Variants in MYRFL observed in about 807,000 individuals in gnomAD.
The protein encoded by MYRFL is myelin regulatory factor like.
Under a neutral mutation model 109.4 loss-of-function variants are expected in MYRFL, and 88 were observed. The ratio of observed to expected loss-of-function variants is 0.80; its 90% CI spans 0.68 to 0.96. The LOEUF (loss-of-function observed/expected upper bound fraction) is 0.96. MYRFL is among the 40% of genes least tolerant of loss of function. The probability of loss-of-function intolerance (pLI) is 0.00; values close to 1 mark genes in which losing one functional copy is unlikely to be tolerated. For missense variants in MYRFL, 957 were observed against 954.9 expected (o/e 1.00, Z -0.03); for synonymous variants, 324 against 320.9 (o/e 1.01, Z -0.10).
At chr12:69,910,370 T>C (rs1450362126) in intron 12 of MYRFL, among the ~76,000 whole-genome samples, 2 of 152,044 alleles carry the variant, frequency 1.3e-5, no homozygotes, top group Non-Finnish European at 2.9e-5. Context: ...AGATGATGGC[T>C]CAACCTATGT....
intron 13 of MYRFL, among the ~76,000 whole-genome samples, chr12:69,923,799 A>T (rs1954984802): frequency 6.6e-6 from 1 of 152,164 alleles, no homozygotes; most frequent in Admixed American, 6.5e-5. Context: ...GTTAAACCAG[A>T]AACTCAATAC....
intron 15 of MYRFL, among the ~76,000 whole-genome samples, chr12:69,928,183 G>A (rs1016424256): frequency 9.8e-5 from 15 of 152,308 alleles, no homozygotes; most frequent in South Asian, 2.1e-4. Flanking sequence ...GGAAGAATAG[G>A]TATTCACTTG....
intron 15 of MYRFL, among the ~76,000 whole-genome samples, chr12:69,930,813 GA>G (rs61430519): frequency 0.11 from 13,880 of 128,264 alleles, 846 homozygotes; most frequent in Middle Eastern, 0.17. Context: ...CCCTATCTAA[GA>G]AAAAAAAAAA....
chr12:69,903,632 G>A lies in MYRFL; in HGVS notation c.1183-12G>A, dbSNP rs1229967246. 2.6e-6 allele frequency: 4 copies of A among 1,535,228 alleles called. No individual in the cohort carries two copies. In the African/African-American group the frequency reaches 4.1e-5, roughly 16 times the overall value. Reference sequence around the variant, plus strand: ...GTTACTTTAATTGTAATATATTTATGTATTTTTCCAGGCCTCTAACCCTGG... The same window carrying A: ...GTTACTTTAATTGTAATATATTTATATATTTTTCCAGGCCTCTAACCCTGG... On this transcript the variant is annotated splice_polypyrimidine_tract_variant and intron_variant, in intron 10 of 24. Transcript: ENST00000552032.
intron 5 of MYRFL, among the ~76,000 whole-genome samples, chr12:69,884,058 G>A (rs761401076): frequency 1.6e-4 from 24 of 152,264 alleles, no homozygotes; most frequent in Non-Finnish European, 2.8e-4. Context: ...AGGGCTCAAA[G>A]CATCCTATAC....
chr12:69,875,059 A>G (rs1006163815), intron 2 of MYRFL, among the ~76,000 whole-genome samples: 1 of 151,268 alleles, frequency 6.6e-6, no homozygotes, highest in South Asian at 2.1e-4. Flanking sequence ...AGTGAAGTAT[A>G]TATCTTCATA....
intron 13 of MYRFL, among the ~76,000 whole-genome samples, chr12:69,912,626 T>C (rs1164119490): frequency 6.6e-6 from 1 of 152,206 alleles, no homozygotes; most frequent in Non-Finnish European, 1.5e-5. Flanking sequence ...TATGTTGCAG[T>C]GTGTATCAAA....
chr12:69,861,597 T>G (rs1884671756), intron 2 of MYRFL, among the ~76,000 whole-genome samples: 1 of 152,190 alleles, frequency 6.6e-6, no homozygotes, highest in Non-Finnish European at 1.5e-5. Context: ...ATGGGGTTGT[T>G]TGTTTTTTTC....
chr12:69,939,043 C>T (rs1374718144), intron 19 of MYRFL, among the ~76,000 whole-genome samples: 2 of 152,112 alleles, frequency 1.3e-5, no homozygotes, highest in African/African-American at 4.8e-5. Context: ...GAGGGTCCTA[C>T]CCCATGGAGT....
At chr12:69,838,232 A>G (rs1883058219) in intron 1 of MYRFL, among the ~76,000 whole-genome samples, 1 of 152,148 alleles carries the variant, frequency 6.6e-6, no homozygotes, top group Non-Finnish European at 1.5e-5. Flanking sequence ...CATTGATTTA[A>G]TATTTAACAC....
At chr12:69,875,595 T>C (rs2136330714) in intron 2 of MYRFL, among the ~76,000 whole-genome samples, 1 of 152,344 alleles carries the variant, frequency 6.6e-6, no homozygotes, top group Non-Finnish European at 1.5e-5. Context: ...GATAGGAACC[T>C]GGCTGCAAGA....
In MYRFL at chr12:69,825,539, G is replaced by C. The variant is rs775473840; in HGVS notation, c.22G>C (p.Glu8Gln). 1.4e-6 allele frequency: 1 copy of C among 702,024 alleles called. No homozygotes were observed. The highest frequency in any genetic ancestry group is 2.7e-5 in the East Asian group (1 of 37,268). The allele number at this position is 702,024 out of a possible 1,614,324, so 43.5% of individuals were successfully genotyped here. A position where few individuals can be genotyped will look rare whatever the true frequency, so the allele number is the denominator to read the frequency against. MDVVGEN[E>Q]ALQQFFEAQG... Reference sequence around the variant, plus strand: ...TACCATGGATGTGGTAGGCGAAAATGAGGCCCTGCAGCAGTTCTTTGAAGG... The same window carrying C: ...TACCATGGATGTGGTAGGCGAAAATCAGGCCCTGCAGCAGTTCTTTGAAGG... Residue 8 changes from glutamate (E) to glutamine (Q), a missense_variant, in exon 1 of 25, where the codon GAG becomes CAG. Coordinates refer to ENST00000552032, the MANE Select transcript of MYRFL (RefSeq NM_182530.3).
chr12:69,858,901 A>G (rs1884464753), intron 2 of MYRFL, among the ~76,000 whole-genome samples: 1 of 151,524 alleles, frequency 6.6e-6, no homozygotes, highest in African/African-American at 2.4e-5. Context: ...GTTTGCTCTT[A>G]TTTTTCTAGT....
rs1592703454 is a variant in MYRFL, at chr12:69,853,316, G to A, written c.47-1964G>A. Among the ~76,000 whole-genome samples, 4 of 151,958 alleles carry A rather than the reference G, an allele frequency of 2.6e-5. No individual in the cohort carries two copies. The South Asian group carries it at 8.3e-4, about 31-fold the overall frequency. On this transcript the variant is annotated intron_variant, in intron 1 of 24. Coordinates refer to ENST00000552032, the MANE Select transcript of MYRFL (RefSeq NM_182530.3). Reference sequence around the variant, plus strand: ...GGGCAGAGACGCTCCTCACTTCCCGGACGGGGTGGCTGCTGGGCGGAGGGG... The same window carrying A: ...GGGCAGAGACGCTCCTCACTTCCCGAACGGGGTGGCTGCTGGGCGGAGGGG...
intron 1 of MYRFL, among the ~76,000 whole-genome samples, chr12:69,841,613 G>A (rs1458006827): frequency 6.6e-6 from 1 of 152,152 alleles, no homozygotes. Context: ...CACCACACCA[G>A]GTCAGACTTT....
chr12:69,885,620 C>T (rs142672860), intron 5 of MYRFL, among the ~76,000 whole-genome samples: 132 of 152,254 alleles, frequency 8.7e-4, no homozygotes, highest in African/African-American at 3.0e-3. Flanking sequence ...GAACAGCAAC[C>T]ATACCAATAC....
intron 15 of MYRFL, among the ~76,000 whole-genome samples, chr12:69,930,674 C>G (rs1247641305): frequency 6.6e-6 from 1 of 151,882 alleles, no homozygotes; most frequent in Non-Finnish European, 1.5e-5. Flanking sequence ...AAAAAATTAA[C>G]TGGGTTTGGT....
intron 5 of MYRFL, among the ~76,000 whole-genome samples, chr12:69,885,946 A>T (rs1886419981): frequency 6.6e-6 from 1 of 152,092 alleles, no homozygotes; most frequent in Non-Finnish European, 1.5e-5. Context: ...TTTGCAGTTG[A>T]GGGAAGTAAG....
chr12:69,937,129 C>G (rs1057453866), intron 19 of MYRFL, among the ~76,000 whole-genome samples: 1 of 152,048 alleles, frequency 6.6e-6, no homozygotes, highest in Non-Finnish European at 1.5e-5. Flanking sequence ...TAGGGACACA[C>G]ACACACATAC....
Sources: gnomAD v4.1 joint callset for allele counts (sites outside exome capture counted in the v4.1 genomes callset) on GRCh38, gnomAD v4.1.1 for gene constraint, MANE v1.5 for transcripts, NCBI Gene and HGNC (gene_info 2026-07-23, HGNC 2026-07-21) for gene names.